AUTS2: variants seen among roughly 807,000 people sequenced by gnomAD.
AUTS2 encodes the protein autism susceptibility gene 2 protein.
AUTS2 carries 17 observed loss-of-function variants against 112.4 expected under a neutral mutation model. That is an observed-to-expected ratio of 0.15 (90% CI 0.10 to 0.23). The LOEUF (loss-of-function observed/expected upper bound fraction) is 0.23, where lower values mean the gene tolerates loss of function less well. Ranked by LOEUF, AUTS2 falls within the 10% of genes least tolerant of loss-of-function variation. The probability of loss-of-function intolerance (pLI) is 1.00; values close to 1 mark genes in which losing one functional copy is unlikely to be tolerated. For synonymous variants in AUTS2, 751 were observed against 702.7 expected (o/e 1.07, Z -1.09); for missense variants, 1,510 against 1,701.6 (o/e 0.89, Z 1.98).
rs2129557458 is a variant in AUTS2 at position 70,766,027 on chromosome 7, C to T, written c.1469-87C>T. The T allele has an allele frequency of 2.0e-6, 3 of 1,537,372 alleles. No individual in the cohort carries two copies. The highest frequency in any genetic ancestry group is 1.8e-6 in the Non-Finnish European group (2 of 1,139,090). ...CCCTGTCACCCCTGCCACTGTGTCACCAGCCCCGTACCCCTCCACAGGAAG... is the reference window on the plus strand; with the variant it reads ...CCCTGTCACCCCTGCCACTGTGTCATCAGCCCCGTACCCCTCCACAGGAAG... On this transcript the variant is annotated intron_variant, in intron 8 of 18. Transcript: ENST00000342771. The surrounding 1 kb of genome is among the most constrained non-coding windows in gnomAD (Gnocchi z 4.8).
At chr7:70,605,025 T>C (rs963075874) in intron 5 of AUTS2, among the ~76,000 whole-genome samples, 1 of 152,250 alleles carries the variant, frequency 6.6e-6, no homozygotes, top group Non-Finnish European at 1.5e-5. Flanking sequence ...CTTAATCTTT[T>C]CTTGTGGTAA....
chr7:70,764,818 T>G lies in AUTS2; in HGVS notation c.1281T>G (p.Ser427=). ...CACCTCACATCTCCCACCACCCCTC[T>G]GCCTCCCCGTTCCCCCTCTCCCTGC... is the stretch of plus-strand genomic sequence containing the variant. ...PAPPHISHHP[S]ASPFPLSLPN... Residue 427 remains serine (S), a synonymous_variant, in exon 8 of 19, where the codon TCT becomes TCG. Transcript: ENST00000342771. The G allele has an allele frequency of 1.7e-6, 1 of 600,736 alleles. No individual in the cohort carries two copies. Among genetic ancestry groups the G allele is most frequent in the Non-Finnish European group, 2.8e-6 (1 of 356,726 alleles). 37.2% of individuals were successfully genotyped at this position (600,736 alleles called of 1,614,324 possible).
intron 1 of AUTS2, among the ~76,000 whole-genome samples, chr7:69,804,905 CTG>C (rs1790234034): frequency 6.6e-6 from 1 of 152,254 alleles, no homozygotes; most frequent in South Asian, 2.1e-4. Flanking sequence ...AGCCAGCAAT[CTG>C]TGTCTTAACA....
At chr7:69,710,832 G>A (rs976729558) in intron 1 of AUTS2, among the ~76,000 whole-genome samples, 1 of 152,178 alleles carries the variant, frequency 6.6e-6, no homozygotes, top group Non-Finnish European at 1.5e-5. Context: ...GTTAATGTCT[G>A]TTTCTGAACT....
chr7:69,721,117 T>C (rs1798907035), intron 1 of AUTS2, among the ~76,000 whole-genome samples: 1 of 152,192 alleles, frequency 6.6e-6, no homozygotes, highest in South Asian at 2.1e-4. Flanking sequence ...AGGGTCAGTT[T>C]TTGTTCATCC....
At chr7:70,758,635 G>A (rs1789372246) in intron 6 of AUTS2, among the ~76,000 whole-genome samples, 2 of 152,144 alleles carry the variant, frequency 1.3e-5, no homozygotes, top group Non-Finnish European at 2.9e-5. Context: ...ACCCCAAAAT[G>A]TAATGAATAC....
chr7:70,615,779 T>C (rs1317035386), intron 5 of AUTS2, among the ~76,000 whole-genome samples: 1 of 152,080 alleles, frequency 6.6e-6, no homozygotes, highest in Admixed American at 6.6e-5. Context: ...TTTGTCTTGC[T>C]CTGTTGCCCA....
chr7:70,003,157 A>G (rs900569724), intron 2 of AUTS2, among the ~76,000 whole-genome samples: 62 of 137,896 alleles, frequency 4.5e-4, no homozygotes, highest in African/African-American at 1.6e-3. Context: ...ACTATATTAT[A>G]TATATTCATA....
chr7:70,713,234 C>G (rs2129550232), intron 6 of AUTS2, among the ~76,000 whole-genome samples: 1 of 152,340 alleles, frequency 6.6e-6, no homozygotes, highest in Non-Finnish European at 1.5e-5. Flanking sequence ...GAAGGGCTAT[C>G]ACAGCACACA....
chr7:69,681,391 AG>A (rs1796789028), intron 1 of AUTS2, among the ~76,000 whole-genome samples: 1 of 152,172 alleles, frequency 6.6e-6, no homozygotes, highest in Non-Finnish European at 1.5e-5. Context: ...CATGTTCCCC[AG>A]TCTTTTAAAC....
At chr7:70,404,053 C>T (rs1424246262) in intron 4 of AUTS2, among the ~76,000 whole-genome samples, 1 of 152,152 alleles carries the variant, frequency 6.6e-6, no homozygotes, top group Non-Finnish European at 1.5e-5. Flanking sequence ...ACACCTTATC[C>T]GTCCCTAATC....
chr7:69,772,874 G>A (rs1160982175), intron 1 of AUTS2, among the ~76,000 whole-genome samples: 1 of 152,176 alleles, frequency 6.6e-6, no homozygotes, highest in East Asian at 1.9e-4. Flanking sequence ...TGAATTTACA[G>A]CCTAAGGCAA....
chr7:70,631,858 C>T lies in AUTS2; in HGVS notation c.691-66711C>T, dbSNP rs1297815210. Among the ~76,000 whole-genome samples, 1 of 152,032 alleles carries T rather than the reference C, an allele frequency of 6.6e-6. No individual in the cohort carries two copies. Among genetic ancestry groups the T allele is most frequent in the Non-Finnish European group, 1.5e-5 (1 of 68,014 alleles). Reference sequence around the variant, plus strand: ...GGCAGGGCGCACTCTGCCGCTTTGGCTTAGTTCTCCCATGTCCCTTGATTC... The same window carrying T: ...GGCAGGGCGCACTCTGCCGCTTTGGTTTAGTTCTCCCATGTCCCTTGATTC... On this transcript the variant is annotated intron_variant, in intron 5 of 18. Coordinates refer to ENST00000342771, the MANE Select transcript of AUTS2 (RefSeq NM_015570.4). This position sits in a 1 kb window ranked among gnomAD's most constrained non-coding sequence, Gnocchi z 4.5.
rs946763749 is a variant in AUTS2 at position 69,932,389 on chromosome 7, A to T, written c.522+32891A>T. Among the ~76,000 whole-genome samples, 4 of 152,312 alleles carry T rather than the reference A, an allele frequency of 2.6e-5. No individual in the cohort carries two copies. In the East Asian group the frequency reaches 5.8e-4, roughly 22 times the overall value. ...TTATTGAAGATGGAAGTCATTTTTC[A>T]GGAGCGCTCTAAGAGGTGAGAAAAT... On this transcript the variant is annotated intron_variant, in intron 2 of 18. Transcript: ENST00000342771.
At chr7:70,634,042 AC>A (rs1805409541) in intron 5 of AUTS2, among the ~76,000 whole-genome samples, 1 of 152,072 alleles carries the variant, frequency 6.6e-6, no homozygotes, top group East Asian at 1.9e-4. Flanking sequence ...GATTCTAGGT[AC>A]TAGATCCATA....
intron 2 of AUTS2, among the ~76,000 whole-genome samples, chr7:69,905,705 A>G (rs983421175): frequency 7.9e-5 from 12 of 152,164 alleles, no homozygotes; most frequent in Admixed American, 7.9e-4. Context: ...TCCTCTGGAA[A>G]CACCCTCACA....
chr7:70,645,445 G>A (rs1412462961), intron 5 of AUTS2, among the ~76,000 whole-genome samples: 1 of 152,070 alleles, frequency 6.6e-6, no homozygotes, highest in African/African-American at 2.4e-5. Flanking sequence ...CACACCACCA[G>A]ATGGTCTGGT....
intron 2 of AUTS2, among the ~76,000 whole-genome samples, chr7:70,073,233 A>G (rs1051015387): frequency 6.6e-6 from 1 of 151,858 alleles, no homozygotes; most frequent in Non-Finnish European, 1.5e-5. Flanking sequence ...CTGGTAGGCC[A>G]GGTGCAATGG....
chr7:70,028,996 T>A (rs1211345713), intron 2 of AUTS2, among the ~76,000 whole-genome samples: 1 of 152,156 alleles, frequency 6.6e-6, no homozygotes, highest in Non-Finnish European at 1.5e-5. Context: ...GCTCCCTCTC[T>A]TGGGTACTTG....
Sources: allele counts gnomAD v4.1 joint callset (sites outside exome capture counted in the v4.1 genomes callset), GRCh38; gene constraint gnomAD v4.1.1; non-coding constraint Gnocchi (gnomAD v3.1); transcripts MANE v1.5; gene names NCBI Gene and HGNC (gene_info 2026-07-23, HGNC 2026-07-21).